The following LRP1B variants were observed in gnomAD, a reference collection of about 807,000 sequenced individuals.
LRP1B encodes LDL receptor related protein 1B, also known as low-density lipoprotein receptor-related protein 1B.
LRP1B carries 217 observed loss-of-function variants against 556.6 expected under a neutral mutation model. The ratio of observed to expected loss-of-function variants is 0.39; its 90% CI spans 0.35 to 0.44. The LOEUF (loss-of-function observed/expected upper bound fraction) is 0.44, where lower values mean the gene tolerates loss of function less well. LRP1B is among the 20% of genes least tolerant of loss of function. LRP1B has a pLI of 1.00. For missense variants in LRP1B, 5,053 were observed against 5,620.8 expected (o/e 0.90, Z 3.23); for synonymous variants, 2,047 against 1,865.8 (o/e 1.10, Z -2.50).
chr2:141,572,260 G>C (rs1174700323), intron 2 of LRP1B, among the ~76,000 whole-genome samples: 1 of 152,142 alleles, frequency 6.6e-6, no homozygotes, highest in Non-Finnish European at 1.5e-5. Flanking sequence ...AGCCAGAAGA[G>C]ATTGGGGGTC....
At chr2:141,124,859 G>C (rs1701162035) in intron 7 of LRP1B, among the ~76,000 whole-genome samples, 1 of 151,930 alleles carries the variant, frequency 6.6e-6, no homozygotes, top group Admixed American at 6.6e-5. Context: ...TCTTGAGAGA[G>C]CTGGAAGAGA....
intron 43 of LRP1B, among the ~76,000 whole-genome samples, chr2:140,542,936 A>G (rs1271880899): frequency 6.6e-6 from 1 of 152,154 alleles, no homozygotes; most frequent in Non-Finnish European, 1.5e-5. Context: ...AGAGTCCCCA[A>G]GTTCACACGG....
chr2:141,559,556 G>A (rs1440900158), intron 2 of LRP1B, among the ~76,000 whole-genome samples: 1 of 151,622 alleles, frequency 6.6e-6, no homozygotes, highest in Non-Finnish European at 1.5e-5. Context: ...ATGGTTAAAA[G>A]TCAGTATTAA....
intron 71 of LRP1B, among the ~76,000 whole-genome samples, chr2:140,369,950 G>A (rs1682921180): frequency 6.6e-6 from 1 of 151,826 alleles, no homozygotes; most frequent in African/African-American, 2.4e-5. Flanking sequence ...TTTGTAAGTA[G>A]GTCACAAGAT....
At chr2:140,623,523 C>A (rs1314898695) in intron 41 of LRP1B, among the ~76,000 whole-genome samples, 2 of 151,852 alleles carry the variant, frequency 1.3e-5, no homozygotes, top group Admixed American at 6.6e-5. Context: ...ATACAAACAT[C>A]AACAGAGGTC....
intron 2 of LRP1B, among the ~76,000 whole-genome samples, chr2:141,595,231 A>C (rs574154880): frequency 3.0e-4 from 45 of 152,224 alleles, no homozygotes; most frequent in Non-Finnish European, 4.7e-4. Flanking sequence ...AGGTTTTCTT[A>C]CAGTTTATCA....
intron 33 of LRP1B, among the ~76,000 whole-genome samples, chr2:140,772,938 G>GA (rs1254239716): frequency 6.6e-6 from 1 of 151,696 alleles, no homozygotes; most frequent in Non-Finnish European, 1.5e-5. Context: ...CATCTCTACT[G>GA]AAAAAACAAA....
At chr2:142,038,626 G>A (rs192792816) in intron 1 of LRP1B, among the ~76,000 whole-genome samples, 1 of 151,628 alleles carries the variant, frequency 6.6e-6, no homozygotes, top group Admixed American at 6.6e-5. Context: ...CCCTTTTACT[G>A]AATGTAGGCA....
At chr2:141,621,061 A>C (rs1467979836) in intron 2 of LRP1B, among the ~76,000 whole-genome samples, 2 of 152,224 alleles carry the variant, frequency 1.3e-5, no homozygotes, top group African/African-American at 4.8e-5. Context: ...CAGCATTTGT[A>C]CTTGAGAAAG....
chr2:141,690,577 T>C (rs1691491766), intron 2 of LRP1B, among the ~76,000 whole-genome samples: 1 of 150,390 alleles, frequency 6.6e-6, no homozygotes, highest in East Asian at 2.0e-4. Flanking sequence ...CTAAGAAATA[T>C]AATGTTAGAT....
chr2:140,626,523 T>C (rs1179861128), intron 41 of LRP1B, among the ~76,000 whole-genome samples: 1 of 152,100 alleles, frequency 6.6e-6, no homozygotes, highest in Non-Finnish European at 1.5e-5. Flanking sequence ...AACATAAAAC[T>C]GCTCTAAAAA....
At chr2:140,770,466 A>G (rs752330503) in intron 34 of LRP1B, among the ~76,000 whole-genome samples, 36 of 152,006 alleles carry the variant, frequency 2.4e-4, no homozygotes, top group Non-Finnish European at 4.1e-4. Context: ...TCCCTCAGTT[A>G]TGCAAACCTG....
chr2:141,768,178 G>A (rs1694789226), intron 2 of LRP1B, among the ~76,000 whole-genome samples: 1 of 152,098 alleles, frequency 6.6e-6, no homozygotes, highest in South Asian at 2.1e-4. Context: ...ACATAATGAA[G>A]AATATTAATA....
chr2:141,613,261 TATAGCTGTTTTAGGTCC>T (rs1347787885), intron 2 of LRP1B, among the ~76,000 whole-genome samples: 3 of 152,156 alleles, frequency 2.0e-5, no homozygotes, highest in African/African-American at 7.2e-5. Flanking sequence ...AGGAGCACAC[TATAGCTGTTTTAGGTCC>T]TGTAGTCATT....
chr2:141,590,820 A>G (rs906671366), intron 2 of LRP1B, among the ~76,000 whole-genome samples: 6 of 152,266 alleles, frequency 3.9e-5, no homozygotes, highest in Admixed American at 2.0e-4. Context: ...GTGACTGCTC[A>G]TGTCCCAACT....
chr2:140,444,219 T>C (rs1316142201), intron 65 of LRP1B, 111 bp downstream of exon 65: 8 of 1,165,894 alleles, frequency 6.9e-6, no homozygotes, highest in Non-Finnish European at 9.5e-6. Context: ...TTGACCATAA[T>C]TTCTTTTCAA....
intron 2 of LRP1B, among the ~76,000 whole-genome samples, chr2:141,515,791 C>T (rs6744016): frequency 0.18 from 27,339 of 152,000 alleles, 3,025 homozygotes; most frequent in African/African-American, 0.3. Flanking sequence ...TTTATTATGG[C>T]TAACTAAACA....
At chr2:141,641,359 A>G (rs1253203282) in intron 2 of LRP1B, among the ~76,000 whole-genome samples, 2 of 152,204 alleles carry the variant, frequency 1.3e-5, no homozygotes, top group Non-Finnish European at 2.9e-5. Context: ...CAACATTGAT[A>G]TAAAGAAAAA....
chr2:140,827,491 T>C (rs57023790), intron 31 of LRP1B, among the ~76,000 whole-genome samples: 2,751 of 151,816 alleles, frequency 0.018, 124 homozygotes, highest in East Asian at 0.17. Flanking sequence ...AAAAATGTAC[T>C]AGAGGCAACA....
Sources: gnomAD v4.1 joint callset for allele counts (sites outside exome capture counted in the v4.1 genomes callset) on GRCh38, gnomAD v4.1.1 for gene constraint, MANE v1.5 for transcripts, NCBI Gene and HGNC (gene_info 2026-07-23, HGNC 2026-07-21) for gene names.